Variants in SPATA6L observed in about 807,000 individuals in gnomAD.
SPATA6L encodes the protein spermatogenesis associated 6 like.
SPATA6L carries 68 observed loss-of-function variants against 49.2 expected under a neutral mutation model. The observed-to-expected ratio is 1.38, with a 90% CI of 1.14 to 1.69. The LOEUF (loss-of-function observed/expected upper bound fraction) is 1.69. Ranked by LOEUF, SPATA6L falls within the 40% of genes most tolerant of loss-of-function variation. The pLI is 0.00. For synonymous variants in SPATA6L, 198 were observed against 165.7 expected, an observed-to-expected ratio of 1.19 and a Z score of -1.50; for missense variants, 668 against 464.3, an observed-to-expected ratio of 1.44 and a Z score of -4.03.
intron 3 of SPATA6L, among the ~76,000 whole-genome samples, chr9:4,648,516 C>A (rs1007785319): frequency 1.3e-5 from 2 of 151,626 alleles, no homozygotes; most frequent in Non-Finnish European, 2.9e-5. Context: ...TGGTCTAACT[C>A]GGTGAAACCC....
chr9:4,612,024 C>G (rs10974653), intron 9 of SPATA6L, among the ~76,000 whole-genome samples: 2 of 150,638 alleles, frequency 1.3e-5, no homozygotes, highest in East Asian at 1.9e-4. Context: ...TTTTTTTTTC[C>G]TTAAGAGATA....
intron 13 of SPATA6L, among the ~76,000 whole-genome samples, chr9:4,593,163 G>A (rs772053201): frequency 8.5e-5 from 13 of 152,120 alleles, no homozygotes; most frequent in Non-Finnish European, 1.6e-4. Context: ...TAACTATTAA[G>A]ATATAATGCT....
At chr9:4,592,102 G>A (rs1821938827) in intron 13 of SPATA6L, among the ~76,000 whole-genome samples, 1 of 152,104 alleles carries the variant, frequency 6.6e-6, no homozygotes, top group Non-Finnish European at 1.5e-5. Context: ...ATCATCTGAG[G>A]TCAGGAGTTC....
chr9:4,663,051 C>T, intron 1 of SPATA6L: 2 of 1,613,984 alleles, frequency 1.2e-6, no homozygotes, highest in Non-Finnish European at 8.5e-7. Flanking sequence ...GAGGTTCATC[C>T]TGAACCACCT....
intron 3 of SPATA6L, among the ~76,000 whole-genome samples, chr9:4,642,580 T>C (rs1834271308): frequency 6.6e-6 from 1 of 152,214 alleles, no homozygotes; most frequent in African/African-American, 2.4e-5. Context: ...ACTTGGGCCC[T>C]TGACCTGCTC....
At chr9:4,629,769 GTATATATATATA>G (rs35908661) in intron 4 of SPATA6L, among the ~76,000 whole-genome samples, 4 of 101,936 alleles carry the variant, frequency 3.9e-5, no homozygotes, top group Admixed American at 1.1e-4. Context: ...GTGTGTGTGT[GTATATATATATA>G]TATATATATA....
chr9:4,602,271 T>C (rs1379435782), intron 11 of SPATA6L, among the ~76,000 whole-genome samples: 1 of 152,150 alleles, frequency 6.6e-6, no homozygotes, highest in African/African-American at 2.4e-5. Context: ...TTGATAATCA[T>C]GTGGGCTATG....
At position 4,604,222 on chromosome 9, in the gene SPATA6L, G is replaced by A. The variant is rs377072654; in HGVS notation, c.1137C>T (p.Tyr379=). 2.1e-5 allele frequency: 34 copies of A among 1,612,252 alleles called. No homozygotes were observed. The highest frequency in any genetic ancestry group is 2.7e-5 in the African/African-American group (2 of 74,860). ...EVNYIIERPS[Y]PLKKYSLHEQ... ...CATGCAGTGAGTATTTCTTCAGAGGGTAGCTTGGTCTTTCAATGATATAAT... is the reference window on the plus strand; with the variant it reads ...CATGCAGTGAGTATTTCTTCAGAGGATAGCTTGGTCTTTCAATGATATAAT... Residue 379 remains tyrosine, a synonymous_variant, in exon 11 of 12, where the codon TAC becomes TAT. Coordinates refer to ENST00000682582, the MANE Select transcript of SPATA6L (RefSeq NM_001353486.2).
chr9:4,614,221 C>T (rs1049508519), intron 9 of SPATA6L, among the ~76,000 whole-genome samples: 13 of 152,156 alleles, frequency 8.5e-5, no homozygotes, highest in African/African-American at 2.9e-4. Flanking sequence ...AGGGAACAGG[C>T]TTGGCAGTGT....
At chr9:4,642,257 T>C (rs778266994) in intron 3 of SPATA6L, among the ~76,000 whole-genome samples, 3 of 152,208 alleles carry the variant, frequency 2.0e-5, no homozygotes, top group Non-Finnish European at 4.4e-5. Context: ...CATACTAAAA[T>C]ATAATGTGCC....
intron 6 of SPATA6L, 67 bp from the exon 7 acceptor site, chr9:4,622,577 G>C: frequency 1.8e-6 from 2 of 1,089,538 alleles, no homozygotes; most frequent in South Asian, 1.4e-5. Flanking sequence ...CCTCGTTACC[G>C]GAATGCCTGT....
chr9:4,632,210 A>C (rs1472761919), intron 4 of SPATA6L, among the ~76,000 whole-genome samples: 2 of 150,874 alleles, frequency 1.3e-5, no homozygotes, highest in Non-Finnish European at 3.0e-5. Context: ...AGTAGAGACG[A>C]GGTTTCACTG....
chr9:4,666,277 G>C lies in SPATA6L; in HGVS notation c.-27C>G, dbSNP rs1840854458. The C allele has an allele frequency of 4.3e-6, 7 of 1,613,658 alleles. No individual in the cohort carries two copies. Among genetic ancestry groups the C allele is most frequent in the African/African-American group, 1.3e-5 (1 of 74,912 alleles). ...GTTCCCTGCGTGGGCGAAAGGACTGGAATGAGAAGATCCTTTTGTGCCGAG... is the reference window on the plus strand; with the variant it reads ...GTTCCCTGCGTGGGCGAAAGGACTGCAATGAGAAGATCCTTTTGTGCCGAG... On this transcript the variant is annotated 5_prime_UTR_variant, in exon 1 of 12. Coordinates refer to ENST00000682582, the MANE Select transcript of SPATA6L (RefSeq NM_001353486.2).
intron 6 of SPATA6L, among the ~76,000 whole-genome samples, chr9:4,623,601 A>AT (rs564594445): frequency 8.0e-4 from 122 of 152,310 alleles, no homozygotes; most frequent in Non-Finnish European, 1.4e-3. Context: ...GAAACATCAC[A>AT]TATCATCAGA....
chr9:4,646,111 G>C (rs1370895672), intron 3 of SPATA6L, among the ~76,000 whole-genome samples: 2 of 143,360 alleles, frequency 1.4e-5, no homozygotes, highest in Non-Finnish European at 3.0e-5. Context: ...CAATGAAAAT[G>C]TCTTAGGGTT....
intron 4 of SPATA6L, among the ~76,000 whole-genome samples, chr9:4,631,559 T>TA (rs1329026681): frequency 6.6e-6 from 1 of 151,730 alleles, no homozygotes; most frequent in South Asian, 2.1e-4. Context: ...CACCAGGAAA[T>TA]AAAAAATACC....
chr9:4,594,354 C>A (rs561457427), downstream of SPATA6L, among the ~76,000 whole-genome samples: 2 of 152,154 alleles, frequency 1.3e-5, no homozygotes, highest in African/African-American at 4.8e-5. Context: ...GGACTACAGG[C>A]GCCCGCCAGC....
intron 3 of SPATA6L, chr9:4,646,660 C>G (rs2130683277): frequency 4.8e-6 from 2 of 420,642 alleles, no homozygotes; most frequent in East Asian, 7.3e-5. Context: ...AAATAACTGC[C>G]AAACCAACAT....
intron 3 of SPATA6L, among the ~76,000 whole-genome samples, chr9:4,649,591 C>A (rs1314430371): frequency 1.3e-5 from 2 of 152,212 alleles, no homozygotes; most frequent in Non-Finnish European, 2.9e-5. Flanking sequence ...CCCAAGTAGT[C>A]AGTTCTCAGG....
Sources: gnomAD v4.1 joint callset for allele counts (sites outside exome capture counted in the v4.1 genomes callset) on GRCh38, gnomAD v4.1.1 for gene constraint, MANE v1.5 for transcripts, NCBI Gene and HGNC (gene_info 2026-07-23, HGNC 2026-07-21) for gene names.